The following RPTOR variants were observed in gnomAD, a reference collection of about 807,000 sequenced individuals.
The protein encoded by RPTOR is regulatory associated protein of MTOR complex 1, also known as regulatory-associated protein of mTOR.
In RPTOR, 21 loss-of-function variants were observed where a neutral mutation model predicts 169.9. The ratio of observed to expected loss-of-function variants is 0.12; its 90% confidence interval spans 0.09 to 0.18. RPTOR has a LOEUF of 0.18. Ranked by LOEUF, RPTOR falls within the 10% of genes least tolerant of loss-of-function variation. The probability of loss-of-function intolerance (pLI) is 1.00; values close to 1 mark genes in which losing one functional copy is unlikely to be tolerated. For synonymous variants in RPTOR, 732 were observed against 753.2 expected (o/e 0.97, Z 0.46); for missense variants, 1,133 against 1,855.9 (o/e 0.61, Z 7.16).
At chr17:80,590,348 A>G (rs56364674) in intron 1 of RPTOR, among the ~76,000 whole-genome samples, 19 of 131,606 alleles carry the variant, frequency 1.4e-4, no homozygotes, top group East Asian at 4.9e-4. Flanking sequence ...GCGCACATGC[A>G]TGCACACAGT....
rs1224553438 is a variant in RPTOR, at chr17:80,602,053, A to G, written c.163-23638A>G. Among the ~76,000 whole-genome samples, 2 of 49,932 alleles carry G rather than the reference A, an allele frequency of 4.0e-5. 1 individual carries two copies. The highest frequency in any genetic ancestry group is 8.6e-5 in the Non-Finnish European group (2 of 23,186). 32.8% of individuals were successfully genotyped at this position (49,932 alleles called of 152,430 possible). ...TCTATTCCACAAAGCCGCCATTGTC[A>G]TCCTGGCCCGTTCTCAATGAGCTGT... On this transcript the variant is annotated intron_variant, in intron 1 of 33. Transcript: ENST00000306801.
intron 27 of RPTOR, 75 bp from the exon 28 acceptor site, chr17:80,949,368 C>T (rs775292639): frequency 5.5e-6 from 7 of 1,282,472 alleles, no homozygotes; most frequent in African/African-American, 1.5e-5. Flanking sequence ...AGGAAGGGCT[C>T]TTACCACCAC....
rs532728974 is a variant in RPTOR at position 80,891,933 on chromosome 17, C to T, written c.2101+96C>T. The T allele has an allele frequency of 8.2e-4, 628 of 761,910 alleles. 1 individual carries two copies. The highest frequency in any genetic ancestry group is 1.2e-3 in the Non-Finnish European group (553 of 470,774). The allele number at this position is 761,910 out of a possible 1,614,324, so 47.2% of individuals were successfully genotyped here. ...CTTGCTCACCCTCGCAGAGTCTAAG[C>T]GCAGGTTTCTCAGATACCTGCCGCA... On this transcript the variant is annotated intron_variant, in intron 18 of 33. Coordinates refer to ENST00000306801, the MANE Select transcript of RPTOR (RefSeq NM_020761.3).
At chr17:80,625,599 C>T (rs2065387080) in intron 1 of RPTOR, 92 bp from the exon 2 acceptor site, 1 of 992,502 alleles carries the variant, frequency 1.0e-6, no homozygotes, top group Non-Finnish European at 1.6e-6. Flanking sequence ...GGAAGGGGCT[C>T]AATGTTCTGG....
At chr17:80,784,423 C>G (rs2066971062) in intron 6 of RPTOR, among the ~76,000 whole-genome samples, 1 of 151,754 alleles carries the variant, frequency 6.6e-6, no homozygotes, top group Non-Finnish European at 1.5e-5. Context: ...TGGAGTTTCA[C>G]TCTTGTTGCC....
Position 80,966,358 on chromosome 17 carries a change from A to C in RPTOR, c.*2028A>C. 4.5e-6 allele frequency: 1 copy of C among 223,834 alleles called. No individual in the cohort carries two copies. The highest frequency in any genetic ancestry group is 8.9e-6 in the Non-Finnish European group (1 of 112,086). The allele number at this position is 223,834 out of a possible 1,614,324, so 13.9% of individuals were successfully genotyped here. A position where few individuals can be genotyped will look rare whatever the true frequency, so the allele number is the denominator to read the frequency against. ...AGCAGAGAGTGACCAACAGTAAACA[A>C]CACGCGCAGACTCCGCGGCTGGCGG... On this transcript the variant is annotated 3_prime_UTR_variant, in exon 34 of 34. Coordinates refer to ENST00000306801, the MANE Select transcript of RPTOR (RefSeq NM_020761.3).
At chr17:80,602,152 A>T (rs2065191947) in intron 1 of RPTOR, among the ~76,000 whole-genome samples, 1 of 66,940 alleles carries the variant, frequency 1.5e-5, no homozygotes. Flanking sequence ...GGCCGGGCAG[A>T]GGCGCCCCTC....
At chr17:80,884,916 T>C in intron 16 of RPTOR, 92 bp from the exon 17 acceptor site, 1 of 1,475,968 alleles carries the variant, frequency 6.8e-7, no homozygotes. Context: ...GCCTGTGGGG[T>C]TGGATTCACC....
rs767731841 is a variant in RPTOR at position 80,823,095 on chromosome 17, C to G, written c.1008C>G (p.Leu336=). ...TGCCCTCAGATCTCTTCCAAAAGCT[C>G]TTCAGACAGGACTTGCTGGTGGCTA... The part of the protein sequence containing the change: ...NVLPRDLFQK[L]FRQDLLVASL... The change falls in exon 9 of 34, where the codon CTC becomes CTG. Residue 336 remains leucine (L), a synonymous_variant. Coordinates refer to ENST00000306801, the MANE Select transcript of RPTOR (RefSeq NM_020761.3). This position sits in a 1 kb window ranked among gnomAD's most constrained non-coding sequence, Gnocchi z 4.5. The G allele has an allele frequency of 1.9e-6, 3 of 1,614,178 alleles. No individual in the cohort carries two copies.
At chr17:80,616,237 G>A (rs536400685) in intron 1 of RPTOR, among the ~76,000 whole-genome samples, 90 of 150,422 alleles carry the variant, frequency 6.0e-4, no homozygotes, top group Non-Finnish European at 1.1e-3. Context: ...GTGGCCCAGT[G>A]TGTTATCAAA....
rs955207836 is a variant in RPTOR at position 80,697,345 on chromosome 17, C to T, written c.349-10496C>T. Among the ~76,000 whole-genome samples, 10 of 152,316 alleles carry T rather than the reference C, an allele frequency of 6.6e-5. No homozygotes were observed. The South Asian group carries it at 1.2e-3, about 19-fold the overall frequency. ...AATCAATTGGGAAAGGGTGGGCAAA[C>T]GGGAATAGGAGTTTTGCTCTGGGTC... On this transcript the variant is annotated intron_variant, in intron 3 of 33. Transcript: ENST00000306801.
intron 21 of RPTOR, among the ~76,000 whole-genome samples, chr17:80,912,945 G>A (rs1482177580): frequency 2.0e-5 from 3 of 152,168 alleles, no homozygotes; most frequent in African/African-American, 7.2e-5. Flanking sequence ...GTCAAGAGAA[G>A]GCCTCTGCTA....
In RPTOR at chr17:80,746,602, C is replaced by T. The variant is rs960720328; in HGVS notation, c.655-7408C>T. 2.0e-5 allele frequency among the ~76,000 whole-genome samples: 3 copies of T among 152,100 alleles called. No homozygotes were observed. The highest frequency in any genetic ancestry group is 2.9e-5 in the Non-Finnish European group (2 of 68,022). ...CTTGTGTTTGAGTCCCTAGGCTCCC[C>T]GGAGAAACCCCTTTGGGTGCACGCT... On this transcript the variant is annotated intron_variant, in intron 5 of 33. Transcript: ENST00000306801. The surrounding 1 kb of genome is among the most constrained non-coding windows in gnomAD (Gnocchi z 4.5).
At chr17:80,673,660 C>A (rs925130213) in intron 3 of RPTOR, among the ~76,000 whole-genome samples, 1 of 152,218 alleles carries the variant, frequency 6.6e-6, no homozygotes, top group African/African-American at 2.4e-5. Flanking sequence ...GGTTTGTCTT[C>A]AGGATCTGCT....
Position 80,708,807 on chromosome 17 carries a change from C to G in RPTOR, c.507+808C>G, listed in dbSNP as rs2066162067. ...AGCAGTTCTTGGAGGGTGCGGTGGC[C>G]CCATATGTGCCTGAGCGTGTCTATG... On this transcript the variant is annotated intron_variant, in intron 4 of 33. Transcript: ENST00000306801. The surrounding 1 kb of genome is among the most constrained non-coding windows in gnomAD (Gnocchi z 4.2). The G allele has an allele frequency of 5.8e-6, 2 of 345,226 alleles. No homozygotes were observed. The highest frequency in any genetic ancestry group is 8.2e-6 in the Non-Finnish European group (2 of 244,708). 21.4% of individuals were successfully genotyped at this position (345,226 alleles called of 1,614,324 possible).
At chr17:80,781,801 C>A (rs1394801470) in intron 6 of RPTOR, among the ~76,000 whole-genome samples, 1 of 152,244 alleles carries the variant, frequency 6.6e-6, no homozygotes, top group Non-Finnish European at 1.5e-5. Context: ...AGCCCCTGCA[C>A]TGCGCTGGAG....
intron 21 of RPTOR, among the ~76,000 whole-genome samples, chr17:80,920,783 C>T (rs1168568988): frequency 6.6e-6 from 1 of 152,242 alleles, no homozygotes; most frequent in Non-Finnish European, 1.5e-5. Flanking sequence ...CTGTCTTCCC[C>T]GTCACCTCCC....
intron 9 of RPTOR, among the ~76,000 whole-genome samples, chr17:80,837,377 GGGCCT>G (rs1567939998): frequency 2.0e-5 from 3 of 152,122 alleles, no homozygotes; most frequent in African/African-American, 7.2e-5. Flanking sequence ...GGACAGGGAG[GGGCCT>G]GACGGCACCA....
At chr17:80,851,500 GA>G (rs11342238) in intron 11 of RPTOR, among the ~76,000 whole-genome samples, 121,503 of 151,640 alleles carry the variant, frequency 0.8, 48,891 homozygotes, top group African/African-American at 0.85. Flanking sequence ...TAATGTTTGA[GA>G]AAAAAAAAAC....
Sources: allele counts gnomAD v4.1 joint callset (sites outside exome capture counted in the v4.1 genomes callset), GRCh38; gene constraint gnomAD v4.1.1; non-coding constraint Gnocchi (gnomAD v3.1); transcripts MANE v1.5; gene names NCBI Gene and HGNC (gene_info 2026-07-23, HGNC 2026-07-21).